STAG1: variants seen among roughly 807,000 people sequenced by gnomAD.
STAG1 encodes STAG1 cohesin complex component.
Under a neutral mutation model 170.9 loss-of-function variants are expected in STAG1, and 26 were observed. That is an observed-to-expected ratio of 0.15 (90% confidence interval 0.11 to 0.21). STAG1 has a LOEUF of 0.21. Ranked by LOEUF, STAG1 falls within the 10% of genes least tolerant of loss-of-function variation. The pLI, the probability that STAG1 is intolerant of heterozygous loss-of-function variation, is 1.00. For missense variants in STAG1, 964 were observed against 1,509.5 expected, an observed-to-expected ratio of 0.64 and a Z score of 5.99; for synonymous variants, 514 against 497.7, an observed-to-expected ratio of 1.03 and a Z score of -0.44.
intron 1 of STAG1, among the ~76,000 whole-genome samples, chr3:136,701,623 A>G (rs1943065321): frequency 6.6e-6 from 1 of 152,166 alleles, no homozygotes; most frequent in Non-Finnish European, 1.5e-5. Context: ...TCTGAGCATC[A>G]ATTTTCTCAA....
At chr3:136,559,958 A>C (rs1178153924) in intron 5 of STAG1, among the ~76,000 whole-genome samples, 1 of 152,232 alleles carries the variant, frequency 6.6e-6, no homozygotes, top group Admixed American at 6.5e-5. Flanking sequence ...AATGGCTACT[A>C]AGTTGTGAGG....
At position 136,359,632 on chromosome 3, in the gene STAG1, G is replaced by A. The variant is rs988049087; in HGVS notation, c.2788-336C>T. On this transcript the variant is annotated intron_variant, in intron 26 of 33. Transcript: ENST00000383202. ...GCAACCTCCACCTCCCGGGTTAAAGGAATTCTCACGCGTCAGCCTCCTGAG... is the reference window on the plus strand; with the variant it reads ...GCAACCTCCACCTCCCGGGTTAAAGAAATTCTCACGCGTCAGCCTCCTGAG... 4.6e-5 allele frequency among the ~76,000 whole-genome samples: 7 copies of A among 152,218 alleles called. 1 individual carries two copies. Among genetic ancestry groups the A allele is most frequent in the Non-Finnish European group, 8.8e-5 (6 of 68,010 alleles).
At chr3:136,341,767 AAACT>A (rs1935978779) in intron 30 of STAG1, among the ~76,000 whole-genome samples, 1 of 152,214 alleles carries the variant, frequency 6.6e-6, no homozygotes, top group African/African-American at 2.4e-5. Flanking sequence ...TTAGATGCTT[AAACT>A]ATCAACCAAA....
chr3:136,712,943 T>C (rs1039289177), intron 1 of STAG1, among the ~76,000 whole-genome samples: 2 of 151,860 alleles, frequency 1.3e-5, no homozygotes, highest in East Asian at 1.9e-4. Context: ...ATACAAAAAT[T>C]AGCCAGGCAC....
intron 16 of STAG1, among the ~76,000 whole-genome samples, chr3:136,425,666 T>C (rs915257123): frequency 1.3e-5 from 2 of 151,252 alleles, no homozygotes; most frequent in South Asian, 4.2e-4. Context: ...AATATGAATG[T>C]ATGATTTAAA....
intron 4 of STAG1, among the ~76,000 whole-genome samples, chr3:136,600,482 A>G (rs1180214371): frequency 6.6e-6 from 1 of 152,228 alleles, no homozygotes; most frequent in African/African-American, 2.4e-5. Flanking sequence ...CAAACCACAG[A>G]AATACCTACT....
chr3:136,349,139 A>G lies in STAG1; in HGVS notation c.3271+19T>C. On this transcript the variant is annotated intron_variant, in intron 29 of 33. Coordinates refer to ENST00000383202, the MANE Select transcript of STAG1 (RefSeq NM_005862.3). ...TAAAACCAGGCAAATTGTTTCTTATAGTGTAAAGGCAGACTTACCTTCTAC... is the reference window on the plus strand; with the variant it reads ...TAAAACCAGGCAAATTGTTTCTTATGGTGTAAAGGCAGACTTACCTTCTAC... 2 of 1,581,810 alleles carry G rather than the reference A, an allele frequency of 1.3e-6. No individual in the cohort carries two copies. Among genetic ancestry groups the G allele is most frequent in the African/African-American group, 2.7e-5 (2 of 74,328 alleles).
intron 12 of STAG1, among the ~76,000 whole-genome samples, chr3:136,469,317 A>G (rs1432253190): frequency 6.6e-6 from 1 of 152,212 alleles, no homozygotes; most frequent in Non-Finnish European, 1.5e-5. Flanking sequence ...TACAAAAATC[A>G]CAAGCATTCT....
intron 28 of STAG1, among the ~76,000 whole-genome samples, chr3:136,353,639 C>T (rs1350242099): frequency 6.6e-6 from 1 of 152,196 alleles, no homozygotes; most frequent in Non-Finnish European, 1.5e-5. Context: ...CTGCTGGGCT[C>T]AAGCAATCTT....
chr3:136,604,590 T>C, intron 3 of STAG1, 117 bp from the exon 4 acceptor site: 1 of 934,446 alleles, frequency 1.1e-6, no homozygotes, highest in South Asian at 2.2e-5. Flanking sequence ...AAATTTCTTC[T>C]CAGTAATTCA....
intron 3 of STAG1, among the ~76,000 whole-genome samples, chr3:136,613,341 CAG>C (rs893829788): frequency 1.7e-4 from 15 of 89,772 alleles, no homozygotes; most frequent in African/African-American, 5.9e-4. Context: ...AAAAAGAAAT[CAG>C]AGTTTCTGTG....
chr3:136,749,227 G>C (rs2107960461), intron 1 of STAG1, among the ~76,000 whole-genome samples: 1 of 152,256 alleles, frequency 6.6e-6, no homozygotes, highest in South Asian at 2.1e-4. Flanking sequence ...AGCTTAGCTG[G>C]TGAGCTTTTA....
At chr3:136,493,366 C>T (rs2090157141) in intron 9 of STAG1, among the ~76,000 whole-genome samples, 1 of 151,544 alleles carries the variant, frequency 6.6e-6, no homozygotes, top group Admixed American at 6.6e-5. Flanking sequence ...CAAACCAAAA[C>T]AAAAAGATCA....
At chr3:136,728,303 C>G (rs1933804214) in intron 1 of STAG1, among the ~76,000 whole-genome samples, 1 of 152,008 alleles carries the variant, frequency 6.6e-6, no homozygotes, top group Non-Finnish European at 1.5e-5. Flanking sequence ...ATAATTAGAA[C>G]AAAATTATTT....
At chr3:136,708,607 A>G (rs114695607) in intron 1 of STAG1, among the ~76,000 whole-genome samples, 1 of 152,194 alleles carries the variant, frequency 6.6e-6, no homozygotes, top group Non-Finnish European at 1.5e-5. Context: ...ATGGTTAAAT[A>G]TATGTTATGT....
At chr3:136,640,872 G>A (rs1398512097) in intron 1 of STAG1, among the ~76,000 whole-genome samples, 1 of 151,638 alleles carries the variant, frequency 6.6e-6, no homozygotes, top group Non-Finnish European at 1.5e-5. Context: ...ACGAGGTTTT[G>A]CCATGTTGGC....
chr3:136,650,516 G>C (rs929334931), intron 1 of STAG1, among the ~76,000 whole-genome samples: 1 of 152,088 alleles, frequency 6.6e-6, no homozygotes, highest in Non-Finnish European at 1.5e-5. Flanking sequence ...TAAATAACTA[G>C]TTAGTAACAC....
intron 1 of STAG1, among the ~76,000 whole-genome samples, chr3:136,712,843 C>T (rs1012842961): frequency 2.6e-5 from 4 of 152,246 alleles, no homozygotes; most frequent in Non-Finnish European, 4.4e-5. Flanking sequence ...GTAATCCCAG[C>T]ACTCTGGGAG....
intron 14 of STAG1, among the ~76,000 whole-genome samples, chr3:136,451,406 T>C (rs1473851175): frequency 6.6e-6 from 1 of 152,100 alleles, no homozygotes; most frequent in Admixed American, 6.5e-5. Flanking sequence ...AGTCTGACAA[T>C]TTTCAAAAAC....
Sources: allele counts gnomAD v4.1 joint callset (sites outside exome capture counted in the v4.1 genomes callset), GRCh38; gene constraint gnomAD v4.1.1; transcripts MANE v1.5; gene names NCBI Gene and HGNC (gene_info 2026-07-23, HGNC 2026-07-21).